SI: variants seen among roughly 807,000 people sequenced by gnomAD.
The protein encoded by SI is sucrase-isomaltase.
Under a neutral mutation model 253.3 loss-of-function variants are expected in SI, and 235 were observed. The observed-to-expected ratio is 0.93, with a 90% CI of 0.83 to 1.03. The LOEUF (loss-of-function observed/expected upper bound fraction) is 1.03. Among genes scored for constraint, SI ranks in the 50% least tolerant of loss-of-function variants. The pLI is 0.00. For synonymous variants in SI, 819 were observed against 712.0 expected (o/e 1.15, Z -2.39); for missense variants, 2,442 against 2,211.1 (o/e 1.10, Z -2.09).
At position 165,032,585 on chromosome 3, in the gene SI, T is replaced by G. The variant is rs1712308408; in HGVS notation, c.2673A>C (p.Arg891Ser). ...TCATTGGTTGATTATTTTCCGCCAC[T>G]CTAACTTCTGTAACACTGTCTGTCA... ...LGLTDSVTEV[R>S]VAENNQPMNA... is the part of the protein sequence containing the mutation. Residue 891 changes from arginine (R) to serine (S), a missense_variant, in exon 24 of 48, where the codon AGA (arginine) becomes AGC (serine). Arg to Ser is a moderately radical substitution (Grantham distance 110). Coordinates refer to ENST00000264382, the MANE Select transcript of SI (RefSeq NM_001041.4). The G allele has an allele frequency of 6.2e-7, 1 of 1,609,738 alleles. No homozygotes were observed. The highest frequency in any genetic ancestry group is 1.3e-5 in the African/African-American group (1 of 74,664).
intron 25 of SI, among the ~76,000 whole-genome samples, chr3:165,028,435 AC>A (rs1457006052): frequency 6.6e-6 from 1 of 151,426 alleles, no homozygotes; most frequent in African/African-American, 2.4e-5. Context: ...ACTGGAAAAA[AC>A]AATCCTAAAA....
At chr3:165,082,209 C>T (rs967604052), upstream of SI, among the ~76,000 whole-genome samples, 5 of 152,066 alleles carry the variant, frequency 3.3e-5, no homozygotes, top group Admixed American at 6.6e-5. Context: ...CCCCAAGCAA[C>T]GTGAGCTCAA....
At chr3:165,037,635 T>C (rs1351747308) in intron 21 of SI, among the ~76,000 whole-genome samples, 2 of 151,872 alleles carry the variant, frequency 1.3e-5, no homozygotes, top group Non-Finnish European at 2.9e-5. Flanking sequence ...TCAAATATTA[T>C]CTTTAATTAT....
chr3:165,002,566 T>C (rs1718303212), intron 37 of SI, among the ~76,000 whole-genome samples: 1 of 151,786 alleles, frequency 6.6e-6, no homozygotes, highest in Admixed American at 6.6e-5. Flanking sequence ...CTATGGTCTG[T>C]ATAACTTGAG....
intron 37 of SI, among the ~76,000 whole-genome samples, chr3:164,999,925 A>G (rs1415363465): frequency 6.6e-6 from 1 of 151,606 alleles, no homozygotes; most frequent in Admixed American, 6.6e-5. Flanking sequence ...ATAAAAGAAA[A>G]TGATCTTCAC....
chr3:165,049,261 A>C lies in SI; in HGVS notation c.1598-17T>G. The C allele has an allele frequency of 7.7e-7, 1 of 1,304,968 alleles. No individual in the cohort carries two copies. The highest frequency in any genetic ancestry group is 1.5e-5 in the African/African-American group (1 of 68,624). 80.8% of individuals were successfully genotyped at this position (1,304,968 alleles called of 1,614,324 possible). On this transcript the variant is annotated splice_polypyrimidine_tract_variant and intron_variant, in intron 14 of 47. Transcript: ENST00000264382. ...CAAGAATATCTTTGAGAAAATACAT[A>C]AGAAACATTTCTTATATTTTTCCAT...
intron 37 of SI, 102 bp from the exon 38 acceptor site, chr3:164,998,775 C>A: frequency 1.0e-6 from 1 of 960,322 alleles, no homozygotes; most frequent in East Asian, 2.5e-5. Context: ...ATTTGTGGTG[C>A]TTATATTGTC....
intron 12 of SI, among the ~76,000 whole-genome samples, chr3:165,058,523 T>C (rs906210656): frequency 1.3e-5 from 2 of 151,676 alleles, no homozygotes; most frequent in Non-Finnish European, 2.9e-5. Flanking sequence ...CAAAGTCAAC[T>C]AACCTTTAGC....
At position 164,982,387 on chromosome 3, in the gene SI, C is replaced by T; in HGVS notation, c.5271G>A (p.Leu1757=). The T allele has an allele frequency of 4.3e-6, 7 of 1,611,476 alleles. No homozygotes were observed. In the South Asian group the frequency reaches 7.7e-5, roughly 18 times the overall value. The change falls in exon 47 of 48, where the codon TTG becomes TTA. Residue 1757 remains leucine, a synonymous_variant. Coordinates refer to ENST00000264382, the MANE Select transcript of SI (RefSeq NM_001041.4). ...LNQTTLTSTI[L]KRGYINKSET... ...CACTTTTATTTATGTAACCTCTCTT[C>T]AATATAGTGCTTGTTAAGGTGGTCT...
chr3:165,031,361 T>A (rs1467288897), intron 24 of SI, among the ~76,000 whole-genome samples: 12 of 147,312 alleles, frequency 8.1e-5, no homozygotes, highest in Admixed American at 7.5e-4. Flanking sequence ...ATATATATAA[T>A]ATATATATAT....
chr3:165,008,123 TAAAC>T lies in SI; in HGVS notation c.4180-129_4180-126del. On this transcript the variant is annotated intron_variant, in intron 35 of 47. Transcript: ENST00000264382. ...ACAATGTTATATATACTCACTATTC[TAAAC>T]AAACAAAATTGTAAAACATCTCAAT... 1.6e-5 allele frequency: 8 copies of T among 514,614 alleles called. No homozygotes were observed. In the South Asian group the frequency reaches 1.7e-4, roughly 11 times the overall value. The allele number at this position is 514,614 out of a possible 1,614,324, so 31.9% of individuals were successfully genotyped here.
At chr3:165,048,775 G>T (rs1008859039) in intron 15 of SI, among the ~76,000 whole-genome samples, 1 of 151,498 alleles carries the variant, frequency 6.6e-6, no homozygotes, top group Admixed American at 6.6e-5. Context: ...CTGCCACCTC[G>T]CCCAGCTAGA....
intron 47 of SI, among the ~76,000 whole-genome samples, chr3:164,981,536 G>A (rs933610036): frequency 3.9e-5 from 6 of 152,102 alleles, no homozygotes; most frequent in African/African-American, 1.4e-4. Context: ...AAGGGTGGGT[G>A]CACACAAATT....
intron 40 of SI, among the ~76,000 whole-genome samples, chr3:164,994,763 CG>C (rs1717933610): frequency 6.6e-6 from 1 of 151,388 alleles, no homozygotes; most frequent in Non-Finnish European, 1.5e-5. Context: ...TATCCAAAGT[CG>C]ATTGAAATAA....
chr3:164,992,807 A>G (rs890340865), intron 41 of SI, among the ~76,000 whole-genome samples: 1 of 151,902 alleles, frequency 6.6e-6, no homozygotes, highest in East Asian at 1.9e-4. Context: ...TTTTAAAAAG[A>G]GTTTGCTTAT....
intron 37 of SI, among the ~76,000 whole-genome samples, chr3:165,003,555 T>A (rs926609346): frequency 1.3e-5 from 2 of 152,012 alleles, no homozygotes; most frequent in Non-Finnish European, 2.9e-5. Context: ...TGATTAAGAG[T>A]TAATTGATAG....
intron 3 of SI, among the ~76,000 whole-genome samples, chr3:165,069,837 A>T (rs941328736): frequency 7.9e-5 from 12 of 151,676 alleles, no homozygotes; most frequent in Non-Finnish European, 1.6e-4. Flanking sequence ...AGTTTAGCAA[A>T]ATAGTGATGC....
At chr3:164,980,080 G>A (rs964897423) in intron 47 of SI, among the ~76,000 whole-genome samples, 3 of 151,726 alleles carry the variant, frequency 2.0e-5, no homozygotes, top group East Asian at 3.9e-4. Flanking sequence ...AAGATTTTCT[G>A]TGCTTTAGCT....
In SI at chr3:165,036,388, C is replaced by G; in HGVS notation, c.2515+1G>C. 2 of 1,601,652 alleles carry G rather than the reference C, an allele frequency of 1.2e-6. No homozygotes were observed. The highest frequency in any genetic ancestry group is 1.7e-6 in the Non-Finnish European group (2 of 1,169,424). Reference sequence around the variant, plus strand: ...TTAAAGCGTATTACTTTCAGACTTACCTTTAGTTTCTCCATCATCCCAGAA... The same window carrying G: ...TTAAAGCGTATTACTTTCAGACTTAGCTTTAGTTTCTCCATCATCCCAGAA... On this transcript the variant is annotated splice_donor_variant, in intron 22 of 47. Coordinates refer to ENST00000264382, the MANE Select transcript of SI (RefSeq NM_001041.4). LOFTEE classifies it high-confidence loss of function.
Sources: allele counts gnomAD v4.1 joint callset (sites outside exome capture counted in the v4.1 genomes callset), GRCh38; gene constraint gnomAD v4.1.1; transcripts MANE v1.5; gene names NCBI Gene and HGNC (gene_info 2026-07-23, HGNC 2026-07-21).